TMC2: variants seen among roughly 807,000 people sequenced by gnomAD.
The protein encoded by TMC2 is transmembrane channel like 2.
A neutral mutation model predicts 105.9 loss-of-function variants in TMC2; 102 were observed. The observed-to-expected ratio is 0.96, with a 90% confidence interval of 0.82 to 1.14. The LOEUF is 1.14. Ranked by LOEUF, TMC2 falls within the 50% of genes most tolerant of loss-of-function variation. The pLI is 0.00. For missense variants in TMC2, 1,093 were observed against 1,134.3 expected, an observed-to-expected ratio of 0.96 and a Z score of 0.52; for synonymous variants, 402 against 422.8, an observed-to-expected ratio of 0.95 and a Z score of 0.60.
At chr20:2,536,792 G>A (rs1248884386) in intron 1 of TMC2, 137 bp downstream of exon 1, 16 of 868,346 alleles carry the variant, frequency 1.8e-5, no homozygotes, top group Non-Finnish European at 2.6e-5. Flanking sequence ...CCTGTGCGCT[G>A]AGCGACCTCG....
At position 2,637,495 on chromosome 20, in the gene TMC2, C is replaced by G. The variant is rs1221089522; in HGVS notation, c.2407C>G (p.His803Asp). The change falls in exon 19 of 20, where the codon CAC becomes GAC. Residue 803 changes from histidine to aspartate, a missense_variant. Coordinates refer to ENST00000358864, the MANE Select transcript of TMC2 (RefSeq NM_080751.3). ...IQVLREVEKS[H>D]KSVKGKATAR... ...GCAGCTCCGTGAAGTTGAGAAGAGT[C>G]ACAAATCTGTAAAAGGCAAAGCCAC... 1.2e-6 allele frequency: 2 copies of G among 1,613,538 alleles called. No individual in the cohort carries two copies. Among genetic ancestry groups the G allele is most frequent in the African/African-American group, 2.7e-5 (2 of 74,838 alleles).
chr20:2,641,535 T>C lies in TMC2; in HGVS notation c.*184T>C. On this transcript the variant is annotated 3_prime_UTR_variant, in exon 20 of 20. Transcript: ENST00000358864. ...GCTACCGAAGGAGGAAGACAGTGGC[T>C]TCACCTGTCCTTTAGGGAAGCTGGA... is the stretch of plus-strand genomic sequence containing the variant. 1 of 586,366 alleles carries C rather than the reference T, an allele frequency of 1.7e-6. No homozygotes were observed. Among genetic ancestry groups the C allele is most frequent in the South Asian group, 2.1e-5 (1 of 47,692 alleles). 36.3% of individuals were successfully genotyped at this position (586,366 alleles called of 1,614,324 possible). A position where few individuals can be genotyped will look rare whatever the true frequency, so the allele number is the denominator to read the frequency against.
intron 16 of TMC2, among the ~76,000 whole-genome samples, chr20:2,621,591 C>T (rs915496195): frequency 2.6e-5 from 4 of 151,984 alleles, no homozygotes; most frequent in African/African-American, 9.7e-5. Context: ...ATCACTTGAA[C>T]CCGGGAGGCA....
At chr20:2,607,305 C>T (rs1450721565) in intron 11 of TMC2, among the ~76,000 whole-genome samples, 1 of 152,120 alleles carries the variant, frequency 6.6e-6, no homozygotes, top group Non-Finnish European at 1.5e-5. Flanking sequence ...GCCTCTCATC[C>T]CTTTTCTACT....
chr20:2,578,843 G>T (rs2086166095), intron 5 of TMC2, among the ~76,000 whole-genome samples: 1 of 152,222 alleles, frequency 6.6e-6, no homozygotes. Flanking sequence ...CTCCAAATCA[G>T]AAATCGTACA....
chr20:2,626,105 G>A (rs779125703), intron 17 of TMC2, among the ~76,000 whole-genome samples: 2 of 149,512 alleles, frequency 1.3e-5, no homozygotes, highest in Non-Finnish European at 3.0e-5. Flanking sequence ...TCCCCAAAGG[G>A]ATGGGTTTTT....
intron 2 of TMC2, among the ~76,000 whole-genome samples, chr20:2,549,880 T>C (rs1485159095): frequency 6.6e-6 from 1 of 152,080 alleles, no homozygotes; most frequent in Non-Finnish European, 1.5e-5. Flanking sequence ...GAGAAAAATT[T>C]TGCCGAAATT....
At position 2,563,318 on chromosome 20, in the gene TMC2, T is replaced by C. The variant is rs565162274; in HGVS notation, c.554+1308T>C. Among the ~76,000 whole-genome samples the C allele has an allele frequency of 3.7e-4, 57 of 152,124 alleles. 1 individual carries two copies. The highest frequency in any genetic ancestry group is 7.4e-4 in the Non-Finnish European group (50 of 68,008). On this transcript the variant is annotated intron_variant, in intron 4 of 19. Coordinates refer to ENST00000358864, the MANE Select transcript of TMC2 (RefSeq NM_080751.3). ...CACGGCCCTGCAAATTATTACGTCA[T>C]CTCCTATATGGCTGCAAGAAGAAAC...
intron 2 of TMC2, among the ~76,000 whole-genome samples, chr20:2,549,555 C>T (rs867841321): frequency 1.3e-5 from 2 of 152,064 alleles, no homozygotes; most frequent in East Asian, 3.9e-4. Context: ...CCAGCCTGGC[C>T]AACACGGTGA....
At chr20:2,571,593 G>T (rs925306790) in intron 4 of TMC2, among the ~76,000 whole-genome samples, 1 of 152,180 alleles carries the variant, frequency 6.6e-6, no homozygotes. Flanking sequence ...TTCAACCATC[G>T]TGGAAAGCAA....
intron 17 of TMC2, among the ~76,000 whole-genome samples, chr20:2,630,456 T>C (rs1023523050): frequency 1.3e-5 from 2 of 152,234 alleles, no homozygotes; most frequent in Non-Finnish European, 2.9e-5. Context: ...CCTATTTGTC[T>C]CTAACAATTT....
chr20:2,569,018 A>G (rs1393837869), intron 4 of TMC2, among the ~76,000 whole-genome samples: 2 of 152,136 alleles, frequency 1.3e-5, no homozygotes, highest in Non-Finnish European at 2.9e-5. Flanking sequence ...CAGCTCCACA[A>G]CACCTTCTTC....
In TMC2 at chr20:2,625,565, A is replaced by T. The variant is rs141143502; in HGVS notation, c.2306+1169A>T. ...CAACATTATGTTGGGGGATTTATCC[A>T]TGCGGATACATGAGCACATGTTTGA... On this transcript the variant is annotated intron_variant, in intron 17 of 19. Coordinates refer to ENST00000358864, the MANE Select transcript of TMC2 (RefSeq NM_080751.3). Among the ~76,000 whole-genome samples the T allele has an allele frequency of 1.0e-3, 154 of 152,376 alleles. 3 individuals carry two copies. In the South Asian group the frequency reaches 0.014, roughly 14 times the overall value.
intron 2 of TMC2, among the ~76,000 whole-genome samples, chr20:2,543,394 A>T (rs1019323532): frequency 6.6e-6 from 1 of 152,240 alleles, no homozygotes; most frequent in Non-Finnish European, 1.5e-5. Flanking sequence ...GAAGGCCGGA[A>T]CTTACTGAGA....
rs776041474 is a variant in TMC2 at position 2,624,290 on chromosome 20, G to A, written c.2200G>A (p.Asp734Asn). The A allele has an allele frequency of 1.1e-5, 17 of 1,614,076 alleles. No homozygotes were observed. Among genetic ancestry groups the A allele is most frequent in the South Asian group, 7.7e-5 (7 of 91,068 alleles). ...GPFSGKNRMYDVLQETIENDF... is the reference protein window; with the variant it reads ...GPFSGKNRMYNVLQETIENDF... ...TTCCAGTGGGAAAAACAGAATGTACGATGTCCTCCAAGAGACCATTGAAAA... is the reference window on the plus strand; with the variant it reads ...TTCCAGTGGGAAAAACAGAATGTACAATGTCCTCCAAGAGACCATTGAAAA... The change falls in exon 17 of 20, where the codon GAT becomes AAT. Residue 734 changes from aspartate (D) to asparagine (N), a missense_variant. Physicochemically the swap from Asp to Asn is conservative, Grantham distance 23. Coordinates refer to ENST00000358864, the MANE Select transcript of TMC2 (RefSeq NM_080751.3).
intron 4 of TMC2, among the ~76,000 whole-genome samples, chr20:2,563,849 C>T (rs1267633195): frequency 1.3e-5 from 2 of 152,180 alleles, no homozygotes; most frequent in African/African-American, 4.8e-5. Context: ...GCCACAACCT[C>T]TCCAGTGGCT....
At chr20:2,537,225 C>T (rs375939283) in intron 1 of TMC2, 44 bp from the exon 2 acceptor site, 3 of 1,567,550 alleles carry the variant, frequency 1.9e-6, no homozygotes, top group African/African-American at 2.7e-5. Flanking sequence ...GGGAGGGGGA[C>T]TCACCAGAGG....
intron 7 of TMC2, among the ~76,000 whole-genome samples, chr20:2,589,281 T>TGTGTGTGTGC (rs2086252780): frequency 7.1e-6 from 1 of 141,626 alleles, no homozygotes; most frequent in East Asian, 2.0e-4. Context: ...TGTGTGTGTG[T>TGTGTGTGTGC]GTGTGTGTGT....
chr20:2,609,293 T>C (rs573227733), intron 11 of TMC2, among the ~76,000 whole-genome samples: 1 of 152,194 alleles, frequency 6.6e-6, no homozygotes, highest in African/African-American at 2.4e-5. Context: ...GCTCCTGACC[T>C]GGTCAGAATG....
Sources: gnomAD v4.1 joint callset for allele counts (sites outside exome capture counted in the v4.1 genomes callset) on GRCh38, gnomAD v4.1.1 for gene constraint, MANE v1.5 for transcripts, NCBI Gene and HGNC (gene_info 2026-07-23, HGNC 2026-07-21) for gene names.